The following PTCHD1 variants were observed in gnomAD, a reference collection of about 807,000 sequenced individuals.
PTCHD1 encodes the protein patched domain containing 1.
A neutral mutation model predicts 34.6 loss-of-function variants in PTCHD1; 3 were observed. The ratio of observed to expected loss-of-function variants is 0.09; its 90% CI spans 0.04 to 0.22. The LOEUF is 0.22. PTCHD1 is among the 10% of genes least tolerant of loss of function. The pLI is 1.00. For synonymous variants in PTCHD1, 305 were observed against 283.1 expected (o/e 1.08, Z -0.77); for missense variants, 504 against 685.5 (o/e 0.74, Z 2.96).
At chrX:23,350,591 C>T (rs894043753) in intron 1 of PTCHD1, among the ~76,000 whole-genome samples, 10 of 111,570 alleles carry the variant, frequency 9.0e-5, no homozygotes, top group East Asian at 2.8e-4. Context: ...AATTAAGATC[C>T]GGAGTTTGAA....
intron 1 of PTCHD1, among the ~76,000 whole-genome samples, chrX:23,365,305 A>T (rs1269335978): frequency 1.8e-5 from 2 of 111,938 alleles, no homozygotes; most frequent in African/African-American, 6.5e-5. Flanking sequence ...GTGTGAAAAT[A>T]ATACAAGACA....
intron 2 of PTCHD1, among the ~76,000 whole-genome samples, chrX:23,389,684 T>C (rs767714459): frequency 8.9e-6 from 1 of 111,797 alleles, no homozygotes; most frequent in South Asian, 3.8e-4. Context: ...CCTCTTCTGA[T>C]TTCTGTGAGT....
chrX:23,388,481 A>G (rs6627922), intron 2 of PTCHD1, among the ~76,000 whole-genome samples: 44,717 of 111,175 alleles, frequency 0.4, 6,526 homozygotes, highest in East Asian at 0.61. Flanking sequence ...CTGTTTGCCT[A>G]CGTCTGTAAG....
At chrX:23,370,458 A>G (rs1018668936) in intron 1 of PTCHD1, among the ~76,000 whole-genome samples, 11 of 112,226 alleles carry the variant, frequency 9.8e-5, no homozygotes, top group Non-Finnish European at 9.4e-5. Flanking sequence ...TGTGATTTTT[A>G]AGGGCAGTAG....
chrX:23,392,152 T>G (rs1430009093), intron 2 of PTCHD1, among the ~76,000 whole-genome samples: 3 of 101,686 alleles, frequency 3.0e-5, no homozygotes, highest in African/African-American at 1.1e-4. Flanking sequence ...TTAAGTCATC[T>G]TCCTTCCTCA....
At chrX:23,388,855 A>T (rs1269995402) in intron 2 of PTCHD1, among the ~76,000 whole-genome samples, 1 of 110,768 alleles carries the variant, frequency 9.0e-6, no homozygotes, top group African/African-American at 3.3e-5. Flanking sequence ...GCAATGAATG[A>T]TGATGATGCT....
At chrX:23,365,187 C>G (rs1351703901) in intron 1 of PTCHD1, among the ~76,000 whole-genome samples, 1 of 111,916 alleles carries the variant, frequency 8.9e-6, no homozygotes, top group Non-Finnish European at 1.9e-5. Flanking sequence ...CTACTGTGTT[C>G]ATCGTCATAA....
rs1923187013 is a variant in PTCHD1, at chrX:23,404,309, G to C, written c.*10124G>C. The C allele has an allele frequency of 9.0e-6, 1 of 110,834 alleles. No homozygotes were observed. The highest frequency in any genetic ancestry group is 1.9e-5 in the Non-Finnish European group (1 of 52,855). 9.1% of individuals were successfully genotyped at this position (110,834 alleles called of 1,213,427 possible). A position where few individuals can be genotyped will look rare whatever the true frequency, so the allele number is the denominator to read the frequency against. On this transcript the variant is annotated 3_prime_UTR_variant, in exon 3 of 3. Transcript: ENST00000379361. ...GACATAAAAATTGTATATATTTATGGGATACAATGTGATGTTTTGATATAT... is the reference window on the plus strand; with the variant it reads ...GACATAAAAATTGTATATATTTATGCGATACAATGTGATGTTTTGATATAT...
At position 23,375,459 on chromosome X, in the gene PTCHD1, T is replaced by A. The variant is rs372105786; in HGVS notation, c.352-4132T>A. The stretch of plus-strand genomic sequence containing the variant: ...CGCACACACCACCACGCCCGGCTAA[T>A]TTTTTGTATTTTTAGTAGAGACGGG... On this transcript the variant is annotated intron_variant, in intron 1 of 2. Transcript: ENST00000379361. Among the ~76,000 whole-genome samples, 336 of 110,967 alleles carry A rather than the reference T, an allele frequency of 3.0e-3. 1 individual carries two copies. Among genetic ancestry groups the A allele is most frequent in the African/African-American group, 0.01 (318 of 30,474 alleles).
At chrX:23,360,909 C>A (rs1921962566) in intron 1 of PTCHD1, among the ~76,000 whole-genome samples, 2 of 112,079 alleles carry the variant, frequency 1.8e-5, no homozygotes, top group African/African-American at 6.5e-5. Flanking sequence ...GTTATTTACC[C>A]AGTAGTCGTT....
intron 1 of PTCHD1, among the ~76,000 whole-genome samples, chrX:23,346,243 T>C (rs1179402793): frequency 2.7e-5 from 3 of 112,003 alleles, no homozygotes; most frequent in Non-Finnish European, 5.6e-5. Flanking sequence ...AACAAGTTAC[T>C]CAAAACCCTT....
At chrX:23,356,714 G>A (rs1382225504) in intron 1 of PTCHD1, among the ~76,000 whole-genome samples, 2 of 112,238 alleles carry the variant, frequency 1.8e-5, no homozygotes, top group Non-Finnish European at 3.8e-5. Context: ...CAGCATGAGA[G>A]AGGCAGTTGC....
chrX:23,364,531 C>A (rs898673516), intron 1 of PTCHD1, among the ~76,000 whole-genome samples: 2 of 110,635 alleles, frequency 1.8e-5, no homozygotes, highest in East Asian at 2.9e-4. Flanking sequence ...TCTTGGCAGA[C>A]AAATCAGCCC....
chrX:23,347,850 T>A (rs748843919), intron 1 of PTCHD1, among the ~76,000 whole-genome samples: 1 of 110,698 alleles, frequency 9.0e-6, no homozygotes, highest in Non-Finnish European at 1.9e-5. Context: ...TACAAAAAAA[T>A]TTAAAAAATA....
At chrX:23,348,114 G>A (rs1413906564) in intron 1 of PTCHD1, among the ~76,000 whole-genome samples, 5 of 93,930 alleles carry the variant, frequency 5.3e-5, no homozygotes, top group African/African-American at 1.9e-4. Flanking sequence ...AACTTAGGAT[G>A]AATCAAAAGG....
Position 23,348,673 on chromosome X carries a change from A to G in PTCHD1, c.351+13447A>G, listed in dbSNP as rs553907375. ...AAGGGTTAAAATGAAAAAAAAATCA[A>G]CCTAAAATGCAATAGCCAGCAAAAT... On this transcript the variant is annotated intron_variant, in intron 1 of 2. Transcript: ENST00000379361. Among the ~76,000 whole-genome samples, 20 of 111,877 alleles carry G rather than the reference A, an allele frequency of 1.8e-4. No individual in the cohort carries two copies. In the South Asian group the frequency reaches 7.5e-3, roughly 42 times the overall value.
chrX:23,366,882 T>A (rs1393165602), intron 1 of PTCHD1, among the ~76,000 whole-genome samples: 1 of 108,672 alleles, frequency 9.2e-6, no homozygotes, highest in Non-Finnish European at 1.9e-5. Flanking sequence ...CAGCTCTTAT[T>A]CTATTGCACA....
At chrX:23,384,948 T>C (rs1344554239) in intron 2 of PTCHD1, among the ~76,000 whole-genome samples, 1 of 112,017 alleles carries the variant, frequency 8.9e-6, no homozygotes, top group Non-Finnish European at 1.9e-5. Context: ...CAATTTTGCC[T>C]GATGGAGTAG....
At position 23,351,996 on chromosome X, in the gene PTCHD1, C is replaced by A. The variant is rs191049113; in HGVS notation, c.351+16770C>A. 2.7e-4 allele frequency among the ~76,000 whole-genome samples: 30 copies of A among 111,007 alleles called. No individual in the cohort carries two copies. In the East Asian group the frequency reaches 7.6e-3, roughly 28 times the overall value. The stretch of plus-strand genomic sequence containing the variant: ...AAGAGACATGAAAATATTTTAAAAC[C>A]CATGGGAAAGAATTAGTAGAGTTTG... On this transcript the variant is annotated intron_variant, in intron 1 of 2. Transcript: ENST00000379361.
Sources: gnomAD v4.1 joint callset for allele counts (sites outside exome capture counted in the v4.1 genomes callset) on GRCh38, gnomAD v4.1.1 for gene constraint, MANE v1.5 for transcripts, NCBI Gene and HGNC (gene_info 2026-07-23, HGNC 2026-07-21) for gene names.